Variants in APBB1IP observed in about 807,000 individuals in gnomAD.
The protein encoded by APBB1IP is amyloid beta A4 precursor protein-binding family B member 1-interacting protein.
APBB1IP carries 27 observed loss-of-function variants against 64.9 expected under a neutral mutation model. That is an observed-to-expected ratio of 0.42 (90% confidence interval 0.31 to 0.57). The LOEUF is 0.57. Ranked by LOEUF, APBB1IP falls within the 20% of genes least tolerant of loss-of-function variation. The pLI is 0.20. For synonymous variants in APBB1IP, 392 were observed against 331.0 expected (o/e 1.18, Z -2.00); for missense variants, 812 against 845.5 (o/e 0.96, Z 0.49).
chr10:26,531,574 G>A (rs558259708), intron 8 of APBB1IP, among the ~76,000 whole-genome samples: 24 of 152,062 alleles, frequency 1.6e-4, no homozygotes, highest in Admixed American at 4.6e-4. Context: ...GGCTGAGGCA[G>A]GAGAATGGCA....
intron 3 of APBB1IP, among the ~76,000 whole-genome samples, 162 bp downstream of exon 3, chr10:26,492,560 C>T (rs972937418): frequency 5.3e-5 from 8 of 151,924 alleles, no homozygotes; most frequent in Admixed American, 2.0e-4. Flanking sequence ...TAAGTGACGG[C>T]GGGTCTGAGA....
chr10:26,451,380 C>T (rs1356806524), intron 2 of APBB1IP, among the ~76,000 whole-genome samples: 2 of 152,194 alleles, frequency 1.3e-5, no homozygotes, highest in African/African-American at 4.8e-5. Flanking sequence ...TGAGCCACTG[C>T]GCCCAGCCTA....
chr10:26,462,390 C>A (rs1224284190), intron 2 of APBB1IP, among the ~76,000 whole-genome samples: 2 of 152,130 alleles, frequency 1.3e-5, no homozygotes, highest in Admixed American at 6.6e-5. Context: ...TGGTAGATAA[C>A]CTCTATCAAG....
chr10:26,557,423 C>T (rs150510732), intron 11 of APBB1IP, among the ~76,000 whole-genome samples: 1 of 152,130 alleles, frequency 6.6e-6, no homozygotes, highest in Non-Finnish European at 1.5e-5. Flanking sequence ...GGCCGAGTGA[C>T]CTACATAGAG....
At chr10:26,562,550 AG>A in intron 14 of APBB1IP, 121 bp downstream of exon 14, 1 of 771,712 alleles carries the variant, frequency 1.3e-6, no homozygotes, top group Non-Finnish European at 2.1e-6. Context: ...CTGTAATCCC[AG>A]AACTTTGGGA....
chr10:26,509,003 T>G (rs1284687097), intron 6 of APBB1IP, among the ~76,000 whole-genome samples: 1 of 152,226 alleles, frequency 6.6e-6, no homozygotes, highest in Non-Finnish European at 1.5e-5. Context: ...TTAAATTTTC[T>G]AAGCCTTAAC....
Position 26,438,402 on chromosome 10 carries a change from A to G in APBB1IP, c.-256A>G, listed in dbSNP as rs920449627. 1.1e-4 allele frequency: 16 copies of G among 152,254 alleles called. No homozygotes were observed. Among genetic ancestry groups the G allele is most frequent in the South Asian group, 4.1e-4 (2 of 4,824 alleles). 9.4% of individuals were successfully genotyped at this position (152,254 alleles called of 1,614,324 possible). A position where few individuals can be genotyped will look rare whatever the true frequency, so the allele number is the denominator to read the frequency against. ...TAGTCCCTCTTGCGTCGAGGCTGCA[A>G]AATGGTTCCATTCGCCAGGAGACGC... On this transcript the variant is annotated 5_prime_UTR_variant, in exon 1 of 15. Transcript: ENST00000376236.
In APBB1IP at chr10:26,511,845, A is replaced by G. The variant is rs1401924479; in HGVS notation, c.630A>G (p.Lys210=). ...ARDVLDNLFE[K]THCDCNVDWC... ...ATGTTCTGGACAACCTTTTCGAGAA[A>G]ACTCATTGTGACTGCAATGTAGACT... The change falls in exon 7 of 15, where the codon AAA becomes AAG. Residue 210 remains lysine (K), a synonymous_variant. Transcript: ENST00000376236. 5 of 1,614,036 alleles carry G rather than the reference A, an allele frequency of 3.1e-6. No individual in the cohort carries two copies. Among genetic ancestry groups the G allele is most frequent in the Admixed American group, 1.7e-5 (1 of 60,000 alleles).
In APBB1IP at chr10:26,567,648, A is replaced by G; in HGVS notation, c.*160A>G. ...ACAGGCATAACCATTAACCCAGTAG[A>G]GTTCAGAATATCTGCCCAAATGTAC... On this transcript the variant is annotated 3_prime_UTR_variant, in exon 15 of 15. Coordinates refer to ENST00000376236, the MANE Select transcript of APBB1IP (RefSeq NM_019043.4). 7.2e-7 allele frequency: 1 copy of G among 1,381,356 alleles called. No homozygotes were observed. 85.6% of individuals were successfully genotyped at this position (1,381,356 alleles called of 1,614,324 possible).
chr10:26,456,514 G>A (rs1467859463), intron 2 of APBB1IP, among the ~76,000 whole-genome samples: 1 of 152,078 alleles, frequency 6.6e-6, no homozygotes, highest in Non-Finnish European at 1.5e-5. Context: ...CCACTGAAAA[G>A]TTTTGCTACT....
intron 2 of APBB1IP, among the ~76,000 whole-genome samples, chr10:26,481,953 T>C (rs1835840007): frequency 6.6e-6 from 1 of 152,096 alleles, no homozygotes; most frequent in African/African-American, 2.4e-5. Flanking sequence ...ATTTAATGAT[T>C]AGTTTTTTAT....
intron 2 of APBB1IP, among the ~76,000 whole-genome samples, chr10:26,471,519 A>C (rs573694353): frequency 6.6e-6 from 1 of 152,206 alleles, no homozygotes; most frequent in Non-Finnish European, 1.5e-5. Flanking sequence ...CTGGATTGTC[A>C]CTGAAAAATC....
intron 6 of APBB1IP, among the ~76,000 whole-genome samples, chr10:26,504,132 C>T (rs765160897): frequency 2.0e-5 from 3 of 152,208 alleles, no homozygotes; most frequent in Non-Finnish European, 2.9e-5. Flanking sequence ...TCCTCAATTG[C>T]TCTTGTCTAC....
chr10:26,475,797 C>G (rs1480010770), intron 2 of APBB1IP, among the ~76,000 whole-genome samples: 1 of 152,222 alleles, frequency 6.6e-6, no homozygotes, highest in East Asian at 1.9e-4. Context: ...CCTGCTACTG[C>G]TTTTCATTCT....
At chr10:26,482,275 C>A (rs894595351) in intron 2 of APBB1IP, among the ~76,000 whole-genome samples, 1 of 152,114 alleles carries the variant, frequency 6.6e-6, no homozygotes, top group Non-Finnish European at 1.5e-5. Context: ...TGATATAATC[C>A]GTAACTTTAG....
intron 8 of APBB1IP, among the ~76,000 whole-genome samples, chr10:26,526,648 G>T (rs1836478616): frequency 6.6e-6 from 1 of 152,070 alleles, no homozygotes; most frequent in South Asian, 2.1e-4. Flanking sequence ...GAACCCGGGA[G>T]GCGGAAGTTG....
At chr10:26,557,513 T>A (rs1298466275) in intron 11 of APBB1IP, among the ~76,000 whole-genome samples, 1 of 152,216 alleles carries the variant, frequency 6.6e-6, no homozygotes, top group Non-Finnish European at 1.5e-5. Flanking sequence ...TTTTAAAAAA[T>A]CATTTCTGAA....
intron 2 of APBB1IP, among the ~76,000 whole-genome samples, chr10:26,489,672 T>C (rs1318863292): frequency 1.3e-5 from 2 of 152,198 alleles, no homozygotes; most frequent in African/African-American, 2.4e-5. Flanking sequence ...CAGATAAGTA[T>C]TATTGTTATC....
intron 2 of APBB1IP, among the ~76,000 whole-genome samples, chr10:26,441,287 A>G (rs2132389462): frequency 6.6e-6 from 1 of 152,340 alleles, no homozygotes; most frequent in East Asian, 1.9e-4. Context: ...TAAAATACAT[A>G]TTACACTTTT....
Sources: allele counts gnomAD v4.1 joint callset (sites outside exome capture counted in the v4.1 genomes callset), GRCh38; gene constraint gnomAD v4.1.1; transcripts MANE v1.5; gene names NCBI Gene and HGNC (gene_info 2026-07-23, HGNC 2026-07-21).